Variants in PAK2 observed in about 807,000 individuals in gnomAD.
PAK2 encodes p21 (RAC1) activated kinase 2, also known as serine/threonine-protein kinase PAK 2.
In PAK2, 21 loss-of-function variants were observed where a neutral mutation model predicts 65.9. The ratio of observed to expected loss-of-function variants is 0.32; its 90% CI spans 0.23 to 0.46. PAK2 has a LOEUF of 0.46. Ranked by LOEUF, PAK2 falls within the 20% of genes least tolerant of loss-of-function variation. The probability of loss-of-function intolerance (pLI) is 1.00; values close to 1 mark genes in which losing one functional copy is unlikely to be tolerated. For synonymous variants in PAK2, 204 were observed against 219.7 expected, an observed-to-expected ratio of 0.93 and a Z score of 0.63; for missense variants, 324 against 642.6, an observed-to-expected ratio of 0.50 and a Z score of 5.36.
chr3:196,826,214 C>T (rs910789898), intron 13 of PAK2, among the ~76,000 whole-genome samples: 18 of 151,286 alleles, frequency 1.2e-4, no homozygotes, highest in Admixed American at 6.6e-5. Flanking sequence ...CTCTGTCGCC[C>T]AGGCTGGAGT....
At position 196,812,893 on chromosome 3, in the gene PAK2, A is replaced by C. The variant is rs753957646; in HGVS notation, c.935+42A>C. 40 of 885,910 alleles carry C rather than the reference A, an allele frequency of 4.5e-5. 1 individual carries two copies. The highest frequency in any genetic ancestry group is 2.6e-5 in the Non-Finnish European group (14 of 538,562). The allele number at this position is 885,910 out of a possible 1,614,324, so 54.9% of individuals were successfully genotyped here. A position where few individuals can be genotyped will look rare whatever the true frequency, so the allele number is the denominator to read the frequency against. On this transcript the variant is annotated intron_variant, in intron 10 of 14. Transcript: ENST00000327134. ...CTTAAACACCGGGAGAAAATGTAGA[A>C]ATTTTAAGTCTCATGGTTTCGGGGG...
At chr3:196,815,840 T>C (rs1052823580) in intron 11 of PAK2, among the ~76,000 whole-genome samples, 3 of 151,768 alleles carry the variant, frequency 2.0e-5, no homozygotes, top group Non-Finnish European at 4.4e-5. Context: ...TAGAACTATC[T>C]CAGGTCAAGC....
intron 1 of PAK2, among the ~76,000 whole-genome samples, chr3:196,745,536 G>T (rs1295439829): frequency 6.6e-6 from 1 of 151,982 alleles, no homozygotes; most frequent in Non-Finnish European, 1.5e-5. Context: ...ATATTTGGCC[G>T]GGTGCAGTGG....
chr3:196,818,189 A>T (rs1238173152), intron 12 of PAK2, 33 bp downstream of exon 12: 1 of 828,026 alleles, frequency 1.2e-6, no homozygotes, highest in Admixed American at 2.0e-5. Context: ...ACAATCATTT[A>T]TTATAATTTT....
At chr3:196,825,422 T>C (rs745674394) in intron 13 of PAK2, among the ~76,000 whole-genome samples, 2 of 151,316 alleles carry the variant, frequency 1.3e-5, no homozygotes, top group Non-Finnish European at 2.9e-5. Context: ...GGCGGGCAGA[T>C]CACAAAGTTG....
At chr3:196,814,344 C>G in intron 10 of PAK2, 107 bp from the exon 11 acceptor site, 1 of 612,298 alleles carries the variant, frequency 1.6e-6, no homozygotes, top group Non-Finnish European at 2.9e-6. Context: ...AAGCTACCAG[C>G]TCTAGTTTTA....
In PAK2 at chr3:196,829,808, G is replaced by C. The variant is rs1231695184; in HGVS notation, c.*1403G>C. Reference sequence around the variant, plus strand: ...AAAAAACGAGAAAGGAAAATGAAATGTGCGTGTTGATAGCAATAATTTGTT... The same window carrying C: ...AAAAAACGAGAAAGGAAAATGAAATCTGCGTGTTGATAGCAATAATTTGTT... On this transcript the variant is annotated 3_prime_UTR_variant, in exon 15 of 15. Transcript: ENST00000327134. 6.6e-6 allele frequency: 1 copy of C among 152,180 alleles called. No individual in the cohort carries two copies. Among genetic ancestry groups the C allele is most frequent in the African/African-American group, 2.4e-5 (1 of 41,442 alleles). 9.4% of individuals were successfully genotyped at this position (152,180 alleles called of 1,614,324 possible).
At chr3:196,811,656 A>G (rs1471579656) in intron 8 of PAK2, among the ~76,000 whole-genome samples, 8 of 152,002 alleles carry the variant, frequency 5.3e-5, no homozygotes. Flanking sequence ...ACCTATCCAT[A>G]TGGATGACCA....
intron 1 of PAK2, among the ~76,000 whole-genome samples, chr3:196,765,039 T>C (rs1445344826): frequency 2.0e-5 from 3 of 150,942 alleles, no homozygotes; most frequent in Non-Finnish European, 4.4e-5. Flanking sequence ...AGAGACGAGG[T>C]TTCACCGTGT....
In PAK2 at chr3:196,831,921, C is replaced by T. The variant is rs766265954; in HGVS notation, c.*3516C>T. On this transcript the variant is annotated 3_prime_UTR_variant, in exon 15 of 15. Transcript: ENST00000327134. ...GCAGATTGTCTTCCTGTCTCCGCTG[C>T]TCCCACAGTAGGTATTGAAACTGGT... 5 of 152,150 alleles carry T rather than the reference C, an allele frequency of 3.3e-5. No individual in the cohort carries two copies. Among genetic ancestry groups the T allele is most frequent in the Admixed American group, 2.0e-4 (3 of 15,252 alleles). The allele number at this position is 152,150 out of a possible 1,614,324, so 9.4% of individuals were successfully genotyped here.
chr3:196,759,489 GTTTTTTTTGTTT>G (rs1713877786), intron 1 of PAK2, among the ~76,000 whole-genome samples: 12 of 98,874 alleles, frequency 1.2e-4, no homozygotes, highest in Admixed American at 2.4e-4. Flanking sequence ...CAGTTAAGTG[GTTTTTTTTGTTT>G]TTTTTTTTTT....
At chr3:196,801,135 A>C (rs1715411606) in intron 2 of PAK2, among the ~76,000 whole-genome samples, 1 of 152,196 alleles carries the variant, frequency 6.6e-6, no homozygotes, top group East Asian at 1.9e-4. Flanking sequence ...ATGCTTGCAC[A>C]AAAAAGGAGA....
At chr3:196,808,794 G>A (rs996309269) in intron 7 of PAK2, among the ~76,000 whole-genome samples, 3 of 152,036 alleles carry the variant, frequency 2.0e-5, no homozygotes, top group East Asian at 3.9e-4. Flanking sequence ...CTGGGAGGCG[G>A]AGATTGCAGT....
intron 1 of PAK2, chr3:196,747,322 G>A (rs1713419359): frequency 6.6e-6 from 1 of 152,132 alleles, no homozygotes; most frequent in Non-Finnish European, 1.5e-5. Context: ...ACTGTGCAAA[G>A]CTAGTTCATT....
intron 1 of PAK2, among the ~76,000 whole-genome samples, chr3:196,773,488 C>A (rs940123983): frequency 2.0e-5 from 3 of 152,132 alleles, no homozygotes; most frequent in Non-Finnish European, 4.4e-5. Flanking sequence ...AACTGAAGGT[C>A]ATGAATCAGC....
At chr3:196,806,406 G>A (rs559053191) in intron 5 of PAK2, among the ~76,000 whole-genome samples, 173 bp from the exon 6 acceptor site, 1 of 152,000 alleles carries the variant, frequency 6.6e-6, no homozygotes, top group Admixed American at 6.6e-5. Flanking sequence ...TCATAGAATC[G>A]CCTTATTATG....
intron 1 of PAK2, among the ~76,000 whole-genome samples, chr3:196,740,744 G>A (rs1713163525): frequency 6.6e-6 from 1 of 152,152 alleles, no homozygotes; most frequent in Non-Finnish European, 1.5e-5. Context: ...ATCTTTCGGA[G>A]CTTCTCCTCG....
At chr3:196,762,500 G>A (rs1577704213) in intron 1 of PAK2, among the ~76,000 whole-genome samples, 13 of 151,048 alleles carry the variant, frequency 8.6e-5, no homozygotes, top group Middle Eastern at 3.4e-3. Context: ...CTGGAGACCG[G>A]CCCGGCCAAC....
chr3:196,750,018 C>T (rs1297174231), intron 1 of PAK2, among the ~76,000 whole-genome samples: 2 of 149,846 alleles, frequency 1.3e-5, no homozygotes, highest in African/African-American at 4.9e-5. Flanking sequence ...CAGAGTTTCG[C>T]TCTTGTCGCC....
Sources: gnomAD v4.1 joint callset for allele counts (sites outside exome capture counted in the v4.1 genomes callset) on GRCh38, gnomAD v4.1.1 for gene constraint, MANE v1.5 for transcripts, NCBI Gene and HGNC (gene_info 2026-07-23, HGNC 2026-07-21) for gene names.